CDH9: variants seen among roughly 807,000 people sequenced by gnomAD.
CDH9 encodes the protein cadherin 9, also known as cadherin-9.
Under a neutral mutation model 70.9 loss-of-function variants are expected in CDH9, and 28 were observed. The observed-to-expected ratio is 0.40, with a 90% CI of 0.29 to 0.54. The LOEUF (loss-of-function observed/expected upper bound fraction) is 0.54, where lower values mean the gene tolerates loss of function less well. Ranked by LOEUF, CDH9 falls within the 20% of genes least tolerant of loss-of-function variation. CDH9 has a pLI of 0.59. For synonymous variants in CDH9, 409 were observed against 343.1 expected, an observed-to-expected ratio of 1.19 and a Z score of -2.12; for missense variants, 874 against 984.4, an observed-to-expected ratio of 0.89 and a Z score of 1.50.
At chr5:27,028,563 G>A (rs946803458) in intron 1 of CDH9, among the ~76,000 whole-genome samples, 1 of 151,956 alleles carries the variant, frequency 6.6e-6, no homozygotes, top group African/African-American at 2.4e-5. Flanking sequence ...AGTCAGGCAA[G>A]GACAAGTCTT....
At chr5:26,940,251 C>T (rs1217880208) in intron 2 of CDH9, among the ~76,000 whole-genome samples, 3 of 151,242 alleles carry the variant, frequency 2.0e-5, no homozygotes, top group South Asian at 2.1e-4. Context: ...ATTCCTAGAA[C>T]ATGATATAAT....
chr5:26,983,459 C>T (rs899441816), intron 2 of CDH9, among the ~76,000 whole-genome samples: 6 of 152,206 alleles, frequency 3.9e-5, no homozygotes, highest in Admixed American at 3.3e-4. Flanking sequence ...AAGCAGTTTT[C>T]CAGCAAAGTG....
chr5:26,998,968 C>T (rs531568236), intron 1 of CDH9, among the ~76,000 whole-genome samples: 11 of 151,862 alleles, frequency 7.2e-5, no homozygotes, highest in South Asian at 2.1e-4. Flanking sequence ...CACATGAGGC[C>T]GGGCGTGGTG....
chr5:27,022,774 T>G (rs934094230), intron 1 of CDH9, among the ~76,000 whole-genome samples: 11 of 152,092 alleles, frequency 7.2e-5, no homozygotes, highest in Non-Finnish European at 1.5e-4. Context: ...GTGGGAAAAT[T>G]TAGGCAATAT....
chr5:26,934,130 T>C (rs1741518321), intron 2 of CDH9, among the ~76,000 whole-genome samples: 1 of 151,918 alleles, frequency 6.6e-6, no homozygotes, highest in Non-Finnish European at 1.5e-5. Flanking sequence ...GGGAGAAAGG[T>C]GCTAGGTTCT....
chr5:26,908,496 G>A (rs1017300983), intron 3 of CDH9, among the ~76,000 whole-genome samples: 1 of 152,014 alleles, frequency 6.6e-6, no homozygotes, highest in African/African-American at 2.4e-5. Context: ...TCAATTTTAG[G>A]ACATTTCTTG....
intron 2 of CDH9, among the ~76,000 whole-genome samples, chr5:26,949,839 C>A (rs1207655909): frequency 2.0e-5 from 3 of 152,118 alleles, no homozygotes; most frequent in Non-Finnish European, 4.4e-5. Flanking sequence ...AAACAAAACT[C>A]TATTTGTATA....
chr5:26,884,829 C>T (rs1234933221), intron 11 of CDH9, among the ~76,000 whole-genome samples: 6 of 152,096 alleles, frequency 3.9e-5, no homozygotes, highest in Admixed American at 3.9e-4. Context: ...GAATGTTTTC[C>T]AGTGGAACAA....
intron 3 of CDH9, among the ~76,000 whole-genome samples, chr5:26,908,595 G>A (rs1293163101): frequency 1.3e-5 from 2 of 152,058 alleles, no homozygotes; most frequent in Non-Finnish European, 2.9e-5. Flanking sequence ...ATGTTTATTT[G>A]ACTCTTTCAA....
At chr5:27,028,784 A>G (rs1743263228) in intron 1 of CDH9, among the ~76,000 whole-genome samples, 1 of 152,016 alleles carries the variant, frequency 6.6e-6, no homozygotes. Context: ...GGAAAAAACC[A>G]ATTGCCAAAA....
intron 2 of CDH9, among the ~76,000 whole-genome samples, chr5:26,955,082 C>T (rs1741924290): frequency 6.6e-6 from 1 of 152,158 alleles, no homozygotes; most frequent in Non-Finnish European, 1.5e-5. Flanking sequence ...TAGATGTCAT[C>T]CTAATAAGCT....
chr5:27,019,842 T>C (rs1743107284), intron 1 of CDH9, among the ~76,000 whole-genome samples: 2 of 151,900 alleles, frequency 1.3e-5, no homozygotes, highest in African/African-American at 4.8e-5. Context: ...CAGAGTCATT[T>C]CTCTACATGC....
intron 7 of CDH9, among the ~76,000 whole-genome samples, chr5:26,900,476 T>A (rs2111985217): frequency 6.6e-6 from 1 of 152,168 alleles, no homozygotes; most frequent in African/African-American, 2.4e-5. Context: ...CTTGGTGACC[T>A]TGAAGGGGCA....
intron 2 of CDH9, among the ~76,000 whole-genome samples, chr5:26,932,807 C>T (rs2112025782): frequency 1.3e-5 from 2 of 151,396 alleles, no homozygotes; most frequent in African/African-American, 2.4e-5. Context: ...TATTAATGTC[C>T]CTGATTGTTT....
At chr5:26,956,409 C>G (rs1741947680) in intron 2 of CDH9, among the ~76,000 whole-genome samples, 1 of 152,110 alleles carries the variant, frequency 6.6e-6, no homozygotes, top group South Asian at 2.1e-4. Flanking sequence ...AATGGACTAA[C>G]ATAGTACTGT....
chr5:27,017,347 A>C (rs1188377135), intron 1 of CDH9, among the ~76,000 whole-genome samples: 1 of 151,956 alleles, frequency 6.6e-6, no homozygotes, highest in Non-Finnish European at 1.5e-5. Context: ...TCCTCAACTG[A>C]AGAAATGCTT....
chr5:26,999,996 C>T (rs1742736902), intron 1 of CDH9, among the ~76,000 whole-genome samples: 1 of 151,826 alleles, frequency 6.6e-6, no homozygotes. Flanking sequence ...ATTTTAGATA[C>T]AACACTAAAA....
intron 2 of CDH9, among the ~76,000 whole-genome samples, chr5:26,938,452 T>C (rs1218577965): frequency 6.6e-6 from 1 of 151,978 alleles, no homozygotes; most frequent in East Asian, 1.9e-4. Context: ...AATCTCAGGA[T>C]AGGATACTAT....
intron 1 of CDH9, among the ~76,000 whole-genome samples, chr5:26,992,739 T>C (rs1742597652): frequency 6.6e-6 from 1 of 152,098 alleles, no homozygotes; most frequent in Admixed American, 6.6e-5. Context: ...TCATTGAGGA[T>C]GATTCTGGTG....
Sources: allele counts gnomAD v4.1 joint callset (sites outside exome capture counted in the v4.1 genomes callset), GRCh38; gene constraint gnomAD v4.1.1; transcripts MANE v1.5; gene names NCBI Gene and HGNC (gene_info 2026-07-23, HGNC 2026-07-21).